The following NCR3LG1 variants were observed in gnomAD, a reference collection of about 807,000 sequenced individuals.
NCR3LG1 encodes the protein natural killer cell cytotoxicity receptor 3 ligand 1.
A neutral mutation model predicts 34.8 loss-of-function variants in NCR3LG1; 35 were observed. The observed-to-expected ratio is 1.01, with a 90% CI of 0.77 to 1.33. The LOEUF (loss-of-function observed/expected upper bound fraction) is 1.33, where lower values mean the gene tolerates loss of function less well. NCR3LG1 is among the 40% of genes most tolerant of loss of function. NCR3LG1 has a pLI of 0.00. For missense variants in NCR3LG1, 452 were observed against 423.3 expected (o/e 1.07, Z -0.60); for synonymous variants, 173 against 163.6 (o/e 1.06, Z -0.44).
Position 17,358,691 on chromosome 11 carries a change from A to T in NCR3LG1, c.421+1690A>T, listed in dbSNP as rs1446613161. Reference sequence around the variant, plus strand: ...TCCTTGGAGGTGGAGTATCTACATAATTTTTTTAAGAATTCTTCTGCATGG... The same window carrying T: ...TCCTTGGAGGTGGAGTATCTACATATTTTTTTTAAGAATTCTTCTGCATGG... On this transcript the variant is annotated intron_variant, in intron 2 of 4. Coordinates refer to ENST00000338965, the MANE Select transcript of NCR3LG1 (RefSeq NM_001202439.3). Among the ~76,000 whole-genome samples, 6 of 151,994 alleles carry T rather than the reference A, an allele frequency of 3.9e-5. No individual in the cohort carries two copies. The East Asian group carries it at 9.6e-4, about 24-fold the overall frequency.
intron 1 of NCR3LG1, among the ~76,000 whole-genome samples, chr11:17,353,543 C>T (rs1016082381): frequency 2.6e-5 from 4 of 152,228 alleles, no homozygotes; most frequent in East Asian, 1.9e-4. Context: ...CCATGCCCGT[C>T]CCGCGCCCCC....
chr11:17,351,993 C>A lies in NCR3LG1; in HGVS notation c.24C>A (p.Ser8=). 6.6e-7 allele frequency: 1 copy of A among 1,525,302 alleles called. No individual in the cohort carries two copies. The highest frequency in any genetic ancestry group is 1.2e-5 in the South Asian group (1 of 83,772). The allele number at this position is 1,525,302 out of a possible 1,614,324, so 94.5% of individuals were successfully genotyped here. Residue 8 remains serine (S), a synonymous_variant, in exon 1 of 5, where the codon TCC becomes TCA. Coordinates refer to ENST00000338965, the MANE Select transcript of NCR3LG1 (RefSeq NM_001202439.3). The stretch of plus-strand genomic sequence containing the variant: ...CGATGACGTGGAGGGCTGCCGCCTC[C>A]ACGTGCGCGGCGCTCCTGATTCTGC... MTWRAAA[S]TCAALLILLW...
chr11:17,357,025 T>C, intron 2 of NCR3LG1, 24 bp downstream of exon 2: 1 of 1,438,058 alleles, frequency 7.0e-7, no homozygotes. Context: ...GGCAGTGCCC[T>C]ACAGTTCCCA....
intron 2 of NCR3LG1, among the ~76,000 whole-genome samples, chr11:17,362,736 CT>C (rs1305589434): frequency 9.5e-6 from 1 of 105,592 alleles, no homozygotes; most frequent in South Asian, 2.8e-4. Context: ...TTCTTTCTTT[CT>C]TTCTTTCTTT....
At chr11:17,362,700 CTTT>C (rs1564856409) in intron 2 of NCR3LG1, among the ~76,000 whole-genome samples, 126 of 4,286 alleles carry the variant, frequency 0.029, 18 homozygotes, top group South Asian at 0.091. Flanking sequence ...TCCTTTCTTT[CTTT>C]CTTTCTTTCT....
rs183203826 is a variant in NCR3LG1, at chr11:17,357,722, A to G, written c.421+721A>G. Among the ~76,000 whole-genome samples, 341 of 152,048 alleles carry G rather than the reference A, an allele frequency of 2.2e-3. 2 individuals are homozygous for G. Among genetic ancestry groups the G allele is most frequent in the Non-Finnish European group, 1.7e-3 (117 of 67,938 alleles). ...TTATATATCTATATAAAGGGTCTAC[A>G]TAGGAGACAGGGTCTCCCTCTGTTG... On this transcript the variant is annotated intron_variant, in intron 2 of 4. Coordinates refer to ENST00000338965, the MANE Select transcript of NCR3LG1 (RefSeq NM_001202439.3).
chr11:17,368,851 C>A lies in NCR3LG1; in HGVS notation c.761-16C>A. The A allele has an allele frequency of 6.7e-7, 1 of 1,497,494 alleles. No homozygotes were observed. Among genetic ancestry groups the A allele is most frequent in the Non-Finnish European group, 9.0e-7 (1 of 1,112,120 alleles). 92.8% of individuals were successfully genotyped at this position (1,497,494 alleles called of 1,614,324 possible). A position where few individuals can be genotyped will look rare whatever the true frequency, so the allele number is the denominator to read the frequency against. ...CCAGTAGGTTTCCTGCTAATGTTTT[C>A]CTTCTCTCTCTGCAGAAACTGAGAA... On this transcript the variant is annotated splice_polypyrimidine_tract_variant and intron_variant, in intron 3 of 4. Transcript: ENST00000338965.
chr11:17,358,080 T>G (rs1306405588), intron 2 of NCR3LG1, among the ~76,000 whole-genome samples: 4 of 152,214 alleles, frequency 2.6e-5, no homozygotes, highest in African/African-American at 9.6e-5. Context: ...AAAAATAGTA[T>G]GAGAGTTCTC....
At chr11:17,353,333 AAGAC>A (rs1176208427) in intron 1 of NCR3LG1, among the ~76,000 whole-genome samples, 1 of 152,266 alleles carries the variant, frequency 6.6e-6, no homozygotes, top group African/African-American at 2.4e-5. Flanking sequence ...ATGTGAAAAT[AAGAC>A]AGTTCCGAGT....
intron 2 of NCR3LG1, among the ~76,000 whole-genome samples, chr11:17,363,815 T>G (rs1335128869): frequency 6.6e-6 from 1 of 152,050 alleles, no homozygotes; most frequent in Non-Finnish European, 1.5e-5. Flanking sequence ...CAGGCTGGCC[T>G]CGAACTCCTG....
chr11:17,379,302 G>T (rs1953501027), downstream of NCR3LG1, among the ~76,000 whole-genome samples: 4 of 152,214 alleles, frequency 2.6e-5, no homozygotes, highest in Admixed American at 2.6e-4. Context: ...CATCAGCAAT[G>T]ATGCTTATGG....
chr11:17,362,711 T>C (rs867397440), intron 2 of NCR3LG1, among the ~76,000 whole-genome samples: 7 of 35,670 alleles, frequency 2.0e-4, no homozygotes, highest in East Asian at 6.3e-4. Context: ...TTTCTTTCTT[T>C]CTTTCTTTCT....
downstream of NCR3LG1, among the ~76,000 whole-genome samples, chr11:17,379,645 A>T (rs1953503538): frequency 6.6e-6 from 1 of 152,250 alleles, no homozygotes. Context: ...GCTAGATTAG[A>T]TGACAGCCAC....
In NCR3LG1 at chr11:17,373,551, C is replaced by T. The variant is rs1282102628; in HGVS notation, c.*1039C>T. 6.6e-6 allele frequency: 1 copy of T among 152,276 alleles called. No homozygotes were observed. The highest frequency in any genetic ancestry group is 1.5e-5 in the Non-Finnish European group (1 of 68,084). The allele number at this position is 152,276 out of a possible 1,614,324, so 9.4% of individuals were successfully genotyped here. A position where few individuals can be genotyped will look rare whatever the true frequency, so the allele number is the denominator to read the frequency against. On this transcript the variant is annotated 3_prime_UTR_variant, in exon 5 of 5. Coordinates refer to ENST00000338965, the MANE Select transcript of NCR3LG1 (RefSeq NM_001202439.3). Reference sequence around the variant, plus strand: ...GCTCCAGTGGCTCAGACTGCTGTTACTACCCGGGAGCACCAGGTGATTCTG... The same window carrying T: ...GCTCCAGTGGCTCAGACTGCTGTTATTACCCGGGAGCACCAGGTGATTCTG...
At chr11:17,371,654 G>A (rs1384223928) in intron 4 of NCR3LG1, among the ~76,000 whole-genome samples, 1 of 152,208 alleles carries the variant, frequency 6.6e-6, no homozygotes, top group African/African-American at 2.4e-5. Flanking sequence ...AGGATGTAAG[G>A]ATAGAGTTAA....
chr11:17,372,129 T>A lies in NCR3LG1; in HGVS notation c.982T>A (p.Ser328Thr), dbSNP rs1262932647. ...ATTCTTTTGCACTCGGGCATGGCCG[T>A]CTTACCAGCTGCAGGATGGGGAGGC... is the stretch of plus-strand genomic sequence containing the variant. ...LIFFCTRAWP[S>T]YQLQDGEAWP... The change falls in exon 5 of 5, where the codon TCT (serine) becomes ACT (threonine). Residue 328 changes from serine to threonine, a missense_variant. Coordinates refer to ENST00000338965, the MANE Select transcript of NCR3LG1 (RefSeq NM_001202439.3). The A allele has an allele frequency of 2.8e-6, 2 of 702,886 alleles. No homozygotes were observed. Among genetic ancestry groups the A allele is most frequent in the Admixed American group, 4.0e-5 (2 of 50,004 alleles). 43.5% of individuals were successfully genotyped at this position (702,886 alleles called of 1,614,324 possible).
chr11:17,359,283 A>G (rs965159083), intron 2 of NCR3LG1, among the ~76,000 whole-genome samples: 1 of 152,162 alleles, frequency 6.6e-6, no homozygotes, highest in African/African-American at 2.4e-5. Flanking sequence ...AACCATCTGT[A>G]CCTATATTAC....
intron 3 of NCR3LG1, among the ~76,000 whole-genome samples, chr11:17,368,554 G>A (rs763898237): frequency 6.6e-6 from 1 of 152,272 alleles, no homozygotes; most frequent in Non-Finnish European, 1.5e-5. Flanking sequence ...TATGGTACGA[G>A]GGGTTGTCTA....
At chr11:17,366,271 A>G (rs1478855248) in intron 2 of NCR3LG1, among the ~76,000 whole-genome samples, 1 of 152,186 alleles carries the variant, frequency 6.6e-6, no homozygotes, top group Non-Finnish European at 1.5e-5. Flanking sequence ...TGGCTTATCC[A>G]TCTCCAGTCA....
Sources: allele counts gnomAD v4.1 joint callset (sites outside exome capture counted in the v4.1 genomes callset), GRCh38; gene constraint gnomAD v4.1.1; transcripts MANE v1.5; gene names NCBI Gene and HGNC (gene_info 2026-07-23, HGNC 2026-07-21).